The following TNC variants were observed in gnomAD, a reference collection of about 807,000 sequenced individuals.
TNC encodes the protein tenascin C, also known as tenascin.
A neutral mutation model predicts 202.4 loss-of-function variants in TNC; 109 were observed. The observed-to-expected ratio is 0.54, with a 90% CI of 0.46 to 0.63. The LOEUF (loss-of-function observed/expected upper bound fraction) is 0.63. Among genes scored for constraint, TNC ranks in the 30% least tolerant of loss-of-function variants. The pLI is 0.00. For synonymous variants in TNC, 1,007 were observed against 1,089.7 expected, an observed-to-expected ratio of 0.92 and a Z score of 1.50; for missense variants, 2,756 against 2,833.3, an observed-to-expected ratio of 0.97 and a Z score of 0.62.
chr9:115,044,503 G>A (rs143028315), intron 17 of TNC, among the ~76,000 whole-genome samples: 1,935 of 151,454 alleles, frequency 0.013, 43 homozygotes, highest in African/African-American at 0.045. Context: ...TTCCAAAAGA[G>A]CAGGGTCTGC....
At chr9:115,106,833 C>T (rs1286073439) in intron 1 of TNC, among the ~76,000 whole-genome samples, 1 of 152,102 alleles carries the variant, frequency 6.6e-6, no homozygotes, top group Non-Finnish European at 1.5e-5. Flanking sequence ...AAAGCATGGA[C>T]TTCTATGAAC....
At chr9:115,094,817 CTG>C (rs1166113704) in intron 1 of TNC, among the ~76,000 whole-genome samples, 1,021 of 29,768 alleles carry the variant, frequency 0.034, 10 homozygotes, top group African/African-American at 0.097. Flanking sequence ...ACAAGTGCCT[CTG>C]TGTGTGTGTG....
intron 1 of TNC, among the ~76,000 whole-genome samples, chr9:115,099,182 T>C (rs1266988805): frequency 1.3e-5 from 2 of 152,060 alleles, no homozygotes; most frequent in Non-Finnish European, 2.9e-5. Flanking sequence ...TGAGAATTAA[T>C]TTCTAAATGG....
chr9:115,082,693 A>T lies in TNC; in HGVS notation c.2246T>A (p.Met749Lys). ...FETWEIIFRNMNKEDEGEITK... is the reference protein window; with the variant it reads ...FETWEIIFRNKNKEDEGEITK... ...GATCTGCTCTTTTGTACTCCTTACCATATTCCGGAAGATGATCTCCCAGGT... is the reference window on the plus strand; with the variant it reads ...GATCTGCTCTTTTGTACTCCTTACCTTATTCCGGAAGATGATCTCCCAGGT... Residue 749 changes from methionine to lysine, a missense_variant and splice_region_variant, in exon 5 of 28, where the codon ATG becomes AAG. Met to Lys is a moderately conservative substitution (Grantham distance 95, BLOSUM62 -1). Transcript: ENST00000350763. 1 of 1,602,910 alleles carries T rather than the reference A, an allele frequency of 6.2e-7. No homozygotes were observed. The highest frequency in any genetic ancestry group is 1.1e-5 in the South Asian group (1 of 90,814).
intron 1 of TNC, among the ~76,000 whole-genome samples, chr9:115,103,914 A>T (rs1424203876): frequency 1.3e-5 from 2 of 152,202 alleles, no homozygotes; most frequent in Non-Finnish European, 2.9e-5. Context: ...CAATAATGAG[A>T]TTCATATTTG....
chr9:115,037,381 C>G (rs1830410605), intron 20 of TNC, among the ~76,000 whole-genome samples: 1 of 152,238 alleles, frequency 6.6e-6, no homozygotes, highest in Admixed American at 6.5e-5. Flanking sequence ...CTCTCTCTTT[C>G]TCCAGTCTCT....
At chr9:115,071,325 T>C (rs1833453859) in intron 10 of TNC, among the ~76,000 whole-genome samples, 1 of 152,232 alleles carries the variant, frequency 6.6e-6, no homozygotes, top group African/African-American at 2.4e-5. Flanking sequence ...TGCACATTTT[T>C]CCCACACTGA....
intron 13 of TNC, among the ~76,000 whole-genome samples, chr9:115,062,171 A>G (rs747947039): frequency 3.3e-5 from 5 of 152,226 alleles, no homozygotes; most frequent in Admixed American, 1.3e-4. Context: ...GCTATTTGCT[A>G]TTCAGTATTT....
intron 1 of TNC, chr9:115,114,920 G>A (rs200745353): frequency 5.1e-4 from 3 of 5,828 alleles, no homozygotes; most frequent in Non-Finnish European, 1.1e-3. Flanking sequence ...TATTACATAT[G>A]TGACACTATT....
In TNC at chr9:115,082,700, G is replaced by T. The variant is rs776411890; in HGVS notation, c.2239C>A (p.Arg747=). Reference sequence around the variant, plus strand: ...TCTTTTGTACTCCTTACCATATTCCGGAAGATGATCTCCCAGGTTTCAAAA... The same window carrying T: ...TCTTTTGTACTCCTTACCATATTCCTGAAGATGATCTCCCAGGTTTCAAAA... ...IAFETWEIIF[R]NMNKEDEGEI... Residue 747 remains arginine, a synonymous_variant, in exon 5 of 28, where the codon CGG becomes AGG. Transcript: ENST00000350763. 6.2e-7 allele frequency: 1 copy of T among 1,608,054 alleles called. No individual in the cohort carries two copies. Among genetic ancestry groups the T allele is most frequent in the South Asian group, 1.1e-5 (1 of 90,934 alleles).
intron 23 of TNC, among the ~76,000 whole-genome samples, chr9:115,030,956 T>G (rs1829901977): frequency 6.6e-6 from 1 of 152,232 alleles, no homozygotes; most frequent in Non-Finnish European, 1.5e-5. Flanking sequence ...CAACTCTGAC[T>G]GTAACTCACA....
In TNC at chr9:115,063,041, C is replaced by T. The variant is rs371392541; in HGVS notation, c.3909G>A (p.Thr1303=). The T allele has an allele frequency of 6.4e-5, 104 of 1,614,064 alleles. 1 individual carries two copies. The highest frequency in any genetic ancestry group is 3.6e-4 in the East Asian group (16 of 44,872). ...CCATGGAACGCAGGCTGCCAGGAACCGTGAGATTGTGAGCCTCTTCCACCT... is the reference window on the plus strand; with the variant it reads ...CCATGGAACGCAGGCTGCCAGGAACTGTGAGATTGTGAGCCTCTTCCACCT... The part of the protein sequence containing the change: ...ADQVEEAHNL[T]VPGSLRSMEI... The change falls in exon 13 of 28, where the codon ACG becomes ACA. Residue 1303 remains threonine, a synonymous_variant. Coordinates refer to ENST00000350763, the MANE Select transcript of TNC (RefSeq NM_002160.4).
intron 27 of TNC, among the ~76,000 whole-genome samples, chr9:115,023,006 CT>C (rs1332095932): frequency 5.4e-5 from 8 of 149,124 alleles, no homozygotes; most frequent in African/African-American, 1.7e-4. Context: ...TGCCTCCCCC[CT>C]GACCCCACAA....
intron 7 of TNC, 25 bp from the exon 8 acceptor site, chr9:115,076,600 A>G (rs751899635): frequency 2.5e-6 from 4 of 1,612,094 alleles, no homozygotes; most frequent in East Asian, 4.5e-5. Flanking sequence ...GAACATTTGT[A>G]TTGAACATAT....
rs199825765 is a variant in TNC, at chr9:115,023,962, G to A, written c.6495+11C>T. On this transcript the variant is annotated intron_variant, in intron 27 of 27. Coordinates refer to ENST00000350763, the MANE Select transcript of TNC (RefSeq NM_002160.4). ...AGCTTGGCCTGCTCTGGGCCCTCAC[G>A]GTCCACTCACCTGACTGTGGTTATT... The A allele has an allele frequency of 7.0e-5, 113 of 1,611,248 alleles. 2 individuals are homozygous for A. In the South Asian group the frequency reaches 7.2e-4, roughly 10 times the overall value.
chr9:115,069,558 G>T (rs116406097), intron 10 of TNC, among the ~76,000 whole-genome samples: 1,959 of 147,530 alleles, frequency 0.013, 53 homozygotes, highest in African/African-American at 0.047. Context: ...CAACAGACAC[G>T]GTACCTTTCG....
chr9:115,097,512 C>T (rs1254573103), intron 1 of TNC, among the ~76,000 whole-genome samples: 1 of 152,106 alleles, frequency 6.6e-6, no homozygotes, highest in East Asian at 1.9e-4. Flanking sequence ...AACTCATATC[C>T]ATTGAAGGTC....
chr9:115,105,445 A>C (rs1836542240), intron 1 of TNC, among the ~76,000 whole-genome samples: 1 of 152,186 alleles, frequency 6.6e-6, no homozygotes, highest in Non-Finnish European at 1.5e-5. Flanking sequence ...CAGTTTATGG[A>C]GGAGAAAACT....
intron 24 of TNC, 55 bp from the exon 25 acceptor site, chr9:115,029,511 A>T: frequency 6.5e-7 from 1 of 1,545,626 alleles, no homozygotes; most frequent in Non-Finnish European, 8.9e-7. Context: ...GAAAGAGGGC[A>T]TCGTTGTGAG....
Sources: gnomAD v4.1 joint callset for allele counts (sites outside exome capture counted in the v4.1 genomes callset) on GRCh38, gnomAD v4.1.1 for gene constraint, MANE v1.5 for transcripts, NCBI Gene and HGNC (gene_info 2026-07-23, HGNC 2026-07-21) for gene names.